GLI2: variants seen among roughly 807,000 people sequenced by gnomAD.
GLI2 encodes the protein transcription activator GLI2.
In GLI2, 22 loss-of-function variants were observed where a neutral mutation model predicts 78.9. The observed-to-expected ratio is 0.28, with a 90% CI of 0.20 to 0.40. GLI2 has a LOEUF of 0.40. Among genes scored for constraint, GLI2 ranks in the 10% least tolerant of loss-of-function variants. GLI2 has a pLI of 1.00. For synonymous variants in GLI2, 974 were observed against 963.7 expected, an observed-to-expected ratio of 1.01 and a Z score of -0.20; for missense variants, 2,097 against 2,213.2, an observed-to-expected ratio of 0.95 and a Z score of 1.05.
intron 2 of GLI2, among the ~76,000 whole-genome samples, chr2:120,856,560 C>T (rs1218309162): frequency 6.6e-6 from 1 of 152,150 alleles, no homozygotes; most frequent in African/African-American, 2.4e-5. Context: ...TTGCAGTGTC[C>T]GGACCTGGCT....
chr2:120,811,999 G>A (rs1285810351), intron 2 of GLI2, among the ~76,000 whole-genome samples: 1 of 152,148 alleles, frequency 6.6e-6, no homozygotes, highest in Non-Finnish European at 1.5e-5. Context: ...GGAGACACAG[G>A]CAAGTACCCA....
chr2:120,923,785 CAT>C (rs772960405), intron 2 of GLI2, among the ~76,000 whole-genome samples: 1 of 152,104 alleles, frequency 6.6e-6, no homozygotes, highest in Non-Finnish European at 1.5e-5. Context: ...GCAGCACACA[CAT>C]ATACATACCC....
chr2:120,834,027 G>T (rs1558823251), intron 2 of GLI2, among the ~76,000 whole-genome samples: 1 of 152,174 alleles, frequency 6.6e-6, no homozygotes, highest in East Asian at 1.9e-4. Context: ...TGATGCTGCT[G>T]CACAGCTCTG....
At chr2:120,875,675 A>C (rs1169948764) in intron 2 of GLI2, among the ~76,000 whole-genome samples, 3 of 152,144 alleles carry the variant, frequency 2.0e-5, no homozygotes, top group African/African-American at 4.8e-5. Context: ...ATTACCTATA[A>C]ATTCTGGGCG....
chr2:120,821,883 C>G (rs1407140257), intron 2 of GLI2, among the ~76,000 whole-genome samples: 1 of 152,160 alleles, frequency 6.6e-6, no homozygotes, highest in African/African-American at 2.4e-5. Flanking sequence ...GCCTCCTTTC[C>G]CCTGGGCTGG....
At chr2:120,755,442 A>G (rs1038096736) in intron 1 of GLI2, among the ~76,000 whole-genome samples, 17 of 151,814 alleles carry the variant, frequency 1.1e-4, no homozygotes, top group African/African-American at 2.7e-4. Context: ...TTTTTTTTTT[A>G]ACATGGGTTG....
Position 120,823,786 on chromosome 2 carries a change from G to A in GLI2, c.148+26318G>A, listed in dbSNP as rs563022643. ...CTCCCTGGGAGCTTGTGGCATGTGC[G>A]GAAGTGAAGCCGTGTGGGATTCCGA... is the stretch of plus-strand genomic sequence containing the variant. On this transcript the variant is annotated intron_variant, in intron 2 of 13. Coordinates refer to ENST00000361492, the MANE Select transcript of GLI2 (RefSeq NM_001374353.1). Among the ~76,000 whole-genome samples, 6 of 152,296 alleles carry A rather than the reference G, an allele frequency of 3.9e-5. No individual in the cohort carries two copies. The East Asian group carries it at 5.8e-4, about 15-fold the overall frequency.
chr2:120,883,358 G>A (rs973757276), intron 2 of GLI2, among the ~76,000 whole-genome samples: 4 of 152,092 alleles, frequency 2.6e-5, no homozygotes, highest in East Asian at 1.9e-4. Flanking sequence ...ATGGTGGCAC[G>A]TGCCTACAGT....
Position 120,885,662 on chromosome 2 carries a change from G to A in GLI2, c.149-41699G>A, listed in dbSNP as rs76971049. Among the ~76,000 whole-genome samples the A allele has an allele frequency of 8.8e-3, 1,340 of 152,310 alleles. 21 individuals are homozygous for A. Among genetic ancestry groups the A allele is most frequent in the East Asian group, 0.036 (185 of 5,172 alleles). On this transcript the variant is annotated intron_variant, in intron 2 of 13. Transcript: ENST00000361492. ...GAGGCAGCTGCTGGCAGCAGGAGGC[G>A]TCTAGCAGGTGGGCAGAGGGACTCA...
chr2:120,913,364 A>C (rs1210753379), intron 2 of GLI2, among the ~76,000 whole-genome samples: 1 of 152,226 alleles, frequency 6.6e-6, no homozygotes, highest in Non-Finnish European at 1.5e-5. Context: ...ACATCTCATT[A>C]ACAATTTTTT....
In GLI2 at chr2:120,797,365, C is replaced by A. The variant is rs866574322; in HGVS notation, c.45C>A (p.Ala15=). The change falls in exon 2 of 14, where the codon GCC becomes GCA. Residue 15 remains alanine (A), a synonymous_variant. Coordinates refer to ENST00000361492, the MANE Select transcript of GLI2 (RefSeq NM_001374353.1). ...CCACTGCCTCCGAGAAGCAAGAAGC[C>A]AAAAGTGGGATCCTGGAGGCCGCTG... The part of the protein sequence containing the change: ...ASATASEKQE[A]KSGILEAAGF... The A allele has an allele frequency of 6.2e-7, 1 of 1,613,988 alleles. No individual in the cohort carries two copies. Among genetic ancestry groups the A allele is most frequent in the African/African-American group, 1.3e-5 (1 of 75,008 alleles).
intron 2 of GLI2, among the ~76,000 whole-genome samples, chr2:120,812,503 C>T (rs1685299458): frequency 6.6e-6 from 1 of 152,170 alleles, no homozygotes; most frequent in South Asian, 2.1e-4. Flanking sequence ...GTCATCCTCA[C>T]AGGGGTTTTC....
intron 2 of GLI2, among the ~76,000 whole-genome samples, chr2:120,802,534 A>T (rs1296620508): frequency 6.6e-6 from 1 of 152,158 alleles, no homozygotes; most frequent in Admixed American, 6.5e-5. Flanking sequence ...TTTGATTCAG[A>T]TGTTTCTCAT....
intron 1 of GLI2, among the ~76,000 whole-genome samples, chr2:120,779,939 T>A (rs1683788969): frequency 6.6e-6 from 1 of 152,202 alleles, no homozygotes; most frequent in Non-Finnish European, 1.5e-5. Flanking sequence ...TGTGTGCGTA[T>A]GTGTCACGGG....
At chr2:120,824,206 TGGA>T (rs915364236) in intron 2 of GLI2, among the ~76,000 whole-genome samples, 1 of 152,034 alleles carries the variant, frequency 6.6e-6, no homozygotes, top group Non-Finnish European at 1.5e-5. Flanking sequence ...ACGTAGCTGG[TGGA>T]GGAGAAAAAG....
chr2:120,784,493 G>A lies in GLI2; in HGVS notation c.-30-12798G>A, dbSNP rs1169655733. Among the ~76,000 whole-genome samples, 11 of 152,110 alleles carry A rather than the reference G, an allele frequency of 7.2e-5. 1 individual carries two copies. The Middle Eastern group carries it at 9.5e-3, about 131-fold the overall frequency. ...GGCGAGTCCTGAGTTGGTGGCAAGT[G>A]AGGCTGAGGGGGCAGGGAGGGCACA... is the stretch of plus-strand genomic sequence containing the variant. On this transcript the variant is annotated intron_variant, in intron 1 of 13. Coordinates refer to ENST00000361492, the MANE Select transcript of GLI2 (RefSeq NM_001374353.1).
At chr2:120,930,026 C>T (rs1236244288) in intron 3 of GLI2, among the ~76,000 whole-genome samples, 1 of 152,244 alleles carries the variant, frequency 6.6e-6, no homozygotes, top group Non-Finnish European at 1.5e-5. Context: ...GGTTCCATGA[C>T]ACGGATCCTG....
At chr2:120,786,467 AC>A (rs954503651) in intron 1 of GLI2, among the ~76,000 whole-genome samples, 2 of 145,286 alleles carry the variant, frequency 1.4e-5, no homozygotes, top group African/African-American at 5.1e-5. Context: ...CCACCCTCCA[AC>A]CCCCCGCCCA....
chr2:120,955,730 A>C (rs1681228608), intron 5 of GLI2, among the ~76,000 whole-genome samples: 1 of 152,202 alleles, frequency 6.6e-6, no homozygotes, highest in Non-Finnish European at 1.5e-5. Context: ...GAAAGTAGCC[A>C]ATTATAAATG....
Sources: gnomAD v4.1 joint callset for allele counts (sites outside exome capture counted in the v4.1 genomes callset) on GRCh38, gnomAD v4.1.1 for gene constraint, MANE v1.5 for transcripts, NCBI Gene and HGNC (gene_info 2026-07-23, HGNC 2026-07-21) for gene names.